CAMK4: variants seen among roughly 807,000 people sequenced by gnomAD.
CAMK4 encodes calcium/calmodulin dependent protein kinase IV.
In CAMK4, 22 loss-of-function variants were observed where a neutral mutation model predicts 44.9. The observed-to-expected ratio is 0.49, with a 90% CI of 0.35 to 0.70. The LOEUF is 0.70. CAMK4 is among the 30% of genes least tolerant of loss of function. CAMK4 has a pLI of 0.01. For synonymous variants in CAMK4, 218 were observed against 215.4 expected (o/e 1.01, Z -0.11); for missense variants, 498 against 586.8 (o/e 0.85, Z 1.56).
At position 111,224,606 on chromosome 5, in the gene CAMK4, G is replaced by A. The variant is rs772865496; in HGVS notation, c.123G>A (p.Ala41=). Residue 41 remains alanine (A), a synonymous_variant, in exon 1 of 11, where the codon GCG becomes GCA. Transcript: ENST00000282356. This position sits in a 1 kb window ranked among gnomAD's most constrained non-coding sequence, Gnocchi z 5.7. ...DYWIDGSNRD[A]LSDFFEVESE... ...GGATCGACGGCTCCAACAGGGATGC[G>A]CTGAGCGATTTCTTCGAGGTGGAGT... is the stretch of plus-strand genomic sequence containing the variant. 22 of 1,611,618 alleles carry A rather than the reference G, an allele frequency of 1.4e-5. No individual in the cohort carries two copies. In the South Asian group the frequency reaches 2.2e-4, roughly 16 times the overall value.
intron 1 of CAMK4, among the ~76,000 whole-genome samples, chr5:111,285,768 A>C (rs1326108012): frequency 6.6e-6 from 1 of 152,210 alleles, no homozygotes; most frequent in African/African-American, 2.4e-5. Context: ...TGATAAAATT[A>C]GTGTTTTTTA....
intron 5 of CAMK4, among the ~76,000 whole-genome samples, chr5:111,425,265 A>G (rs1450402984): frequency 6.6e-6 from 1 of 152,154 alleles, no homozygotes; most frequent in Non-Finnish European, 1.5e-5. Context: ...CTTTCATTCA[A>G]TTATTATATT....
At chr5:111,481,125 T>C (rs1324409727) in intron 9 of CAMK4, among the ~76,000 whole-genome samples, 4 of 152,238 alleles carry the variant, frequency 2.6e-5, no homozygotes, top group Non-Finnish European at 5.9e-5. Flanking sequence ...TATCTTCAAA[T>C]GTAAAGATTA....
rs542246238 is a variant in CAMK4 at position 111,234,546 on chromosome 5, C to G, written c.161+9902C>G. ...CAATTTTAATATAACTAATGCACTT[C>G]GTGGCAAATTTTGCCAACTGCTGGC... is the stretch of plus-strand genomic sequence containing the variant. On this transcript the variant is annotated intron_variant, in intron 1 of 10. Coordinates refer to ENST00000282356, the MANE Select transcript of CAMK4 (RefSeq NM_001744.6). Among the ~76,000 whole-genome samples the G allele has an allele frequency of 2.3e-3, 350 of 152,280 alleles. 2 individuals carry two copies. The highest frequency in any genetic ancestry group is 3.9e-3 in the Non-Finnish European group (263 of 68,022).
chr5:111,373,665 A>G (rs1478947924), intron 2 of CAMK4, among the ~76,000 whole-genome samples: 1 of 152,122 alleles, frequency 6.6e-6, no homozygotes, highest in Non-Finnish European at 1.5e-5. Context: ...AGTAACTGAA[A>G]GGGGAGAACC....
intron 1 of CAMK4, among the ~76,000 whole-genome samples, chr5:111,288,843 T>G (rs1290905942): frequency 6.6e-6 from 1 of 152,228 alleles, no homozygotes. Context: ...TTACTCAGTC[T>G]CAGAAGATTG....
intron 2 of CAMK4, among the ~76,000 whole-genome samples, chr5:111,363,848 A>G (rs939542610): frequency 6.6e-6 from 1 of 152,128 alleles, no homozygotes; most frequent in Non-Finnish European, 1.5e-5. Context: ...TACTCTAAGC[A>G]CAGTGGGACT....
intron 2 of CAMK4, among the ~76,000 whole-genome samples, chr5:111,346,578 A>G (rs913777291): frequency 1.3e-5 from 2 of 151,750 alleles, no homozygotes; most frequent in African/African-American, 2.4e-5. Context: ...AACTACCACA[A>G]ACTAGATGAC....
chr5:111,364,705 A>G (rs779265441), intron 2 of CAMK4, among the ~76,000 whole-genome samples: 6 of 152,024 alleles, frequency 3.9e-5, no homozygotes, highest in Non-Finnish European at 8.8e-5. Context: ...CTCTATTGGA[A>G]ATCCCTTCTT....
chr5:111,329,488 A>G (rs1050533579), intron 1 of CAMK4, among the ~76,000 whole-genome samples: 4 of 151,914 alleles, frequency 2.6e-5, no homozygotes, highest in Non-Finnish European at 4.4e-5. Context: ...AGGGCAGCAT[A>G]ACACTAATAC....
chr5:111,361,824 A>G (rs1407707929), intron 2 of CAMK4, among the ~76,000 whole-genome samples: 1 of 152,064 alleles, frequency 6.6e-6, no homozygotes, highest in East Asian at 1.9e-4. Context: ...TTATATTAGG[A>G]TACAGTTTAG....
intron 2 of CAMK4, among the ~76,000 whole-genome samples, chr5:111,360,997 G>A (rs976257186): frequency 6.6e-6 from 1 of 151,978 alleles, no homozygotes; most frequent in Non-Finnish European, 1.5e-5. Flanking sequence ...TTCTGGTCAT[G>A]AATAACTCTA....
chr5:111,309,322 G>A (rs1422352768), intron 1 of CAMK4, among the ~76,000 whole-genome samples: 1 of 152,156 alleles, frequency 6.6e-6, no homozygotes, highest in Non-Finnish European at 1.5e-5. Context: ...AGGTGGGCAG[G>A]ACAGGGTGAA....
Position 111,414,213 on chromosome 5 carries a change from C to T in CAMK4, c.459+19431C>T, listed in dbSNP as rs539720521. On this transcript the variant is annotated intron_variant, in intron 5 of 10. Coordinates refer to ENST00000282356, the MANE Select transcript of CAMK4 (RefSeq NM_001744.6). The stretch of plus-strand genomic sequence containing the variant: ...TGTCTCCCCTGAAAACCCTTTGTTA[C>T]TCCCAAAGCACAGAGTATTGCCTGA... 1.2e-4 allele frequency among the ~76,000 whole-genome samples: 19 copies of T among 152,306 alleles called. No individual in the cohort carries two copies. The South Asian group carries it at 2.7e-3, about 22-fold the overall frequency.
chr5:111,444,182 C>A (rs943091064), intron 5 of CAMK4, among the ~76,000 whole-genome samples: 16 of 152,178 alleles, frequency 1.1e-4, no homozygotes, highest in Non-Finnish European at 2.2e-4. Context: ...TGCTCTACAG[C>A]CAGATGCCTG....
intron 1 of CAMK4, among the ~76,000 whole-genome samples, chr5:111,294,043 G>A (rs770765409): frequency 1.3e-5 from 2 of 152,028 alleles, no homozygotes; most frequent in South Asian, 2.1e-4. Flanking sequence ...CACCGCGCCC[G>A]GCCCTACTTT....
chr5:111,355,007 G>A (rs427696), intron 2 of CAMK4, among the ~76,000 whole-genome samples: 141,042 of 152,220 alleles, frequency 0.93, 65,491 homozygotes, highest in East Asian at 1. Context: ...TGCATCTATT[G>A]TATGCTGCTA....
At chr5:111,437,912 C>T (rs1450041619) in intron 5 of CAMK4, among the ~76,000 whole-genome samples, 1 of 152,024 alleles carries the variant, frequency 6.6e-6, no homozygotes, top group African/African-American at 2.4e-5. Flanking sequence ...ATTCCCTGTG[C>T]TTTATGTAAA....
intron 1 of CAMK4, among the ~76,000 whole-genome samples, chr5:111,236,103 G>C (rs1211382172): frequency 6.6e-6 from 1 of 152,184 alleles, no homozygotes; most frequent in Non-Finnish European, 1.5e-5. Context: ...TCATTTCTGT[G>C]ACAATCAAAT....
Sources: gnomAD v4.1 joint callset for allele counts (sites outside exome capture counted in the v4.1 genomes callset) on GRCh38, gnomAD v4.1.1 for gene constraint, Gnocchi (gnomAD v3.1) non-coding constraint, MANE v1.5 for transcripts, NCBI Gene and HGNC (gene_info 2026-07-23, HGNC 2026-07-21) for gene names.